The following TUBB3 variants were observed in gnomAD, a reference collection of about 807,000 sequenced individuals.
TUBB3 encodes the protein tubulin beta-3 chain.
In TUBB3, 17 loss-of-function variants were observed where a neutral mutation model predicts 37.8. The observed-to-expected ratio is 0.45, with a 90% CI of 0.31 to 0.67. The LOEUF (loss-of-function observed/expected upper bound fraction) is 0.67, where lower values mean the gene tolerates loss of function less well. TUBB3 is among the 30% of genes least tolerant of loss of function. The pLI is 0.07. For synonymous variants in TUBB3, 332 were observed against 278.9 expected (o/e 1.19, Z -1.90); for missense variants, 262 against 657.9 (o/e 0.40, Z 6.58).
intron 1 of TUBB3, among the ~76,000 whole-genome samples, chr16:89,929,430 C>G (rs759560384): frequency 6.6e-6 from 1 of 152,192 alleles, no homozygotes; most frequent in Non-Finnish European, 1.5e-5. Context: ...TCAGGGTGAA[C>G]GGGCATCCCG....
At chr16:89,922,424 G>A (rs751119802), upstream of TUBB3, among the ~76,000 whole-genome samples, 7 of 152,242 alleles carry the variant, frequency 4.6e-5, no homozygotes, top group Non-Finnish European at 8.8e-5. Flanking sequence ...GGTCAGTGCC[G>A]TGCCGGCGAG....
intron 1 of TUBB3, among the ~76,000 whole-genome samples, chr16:89,926,050 G>A (rs1250282748): frequency 1.3e-5 from 2 of 152,200 alleles, no homozygotes; most frequent in Non-Finnish European, 2.9e-5. Flanking sequence ...CCCCGGGGGG[G>A]GCAGGGGCGG....
At chr16:89,929,375 C>T (rs1317986161) in intron 1 of TUBB3, among the ~76,000 whole-genome samples, 1 of 152,016 alleles carries the variant, frequency 6.6e-6, no homozygotes, top group Non-Finnish European at 1.5e-5. Context: ...GAGAGATGAC[C>T]TCTGATAACA....
At chr16:89,933,136 C>G (rs1484984773) in intron 2 of TUBB3, 1 of 604,528 alleles carries the variant, frequency 1.7e-6, no homozygotes, top group East Asian at 3.5e-5. Flanking sequence ...ATATGTTGCC[C>G]AGGCTGGTCT....
At chr16:89,932,748 GTCTCAGCACCTGGACTCACCAGC>G in intron 2 of TUBB3, 69 bp downstream of exon 2, 3 of 1,317,410 alleles carry the variant, frequency 2.3e-6, no homozygotes, top group Non-Finnish European at 3.2e-6. Context: ...GACTGACCAG[GTCTCAGCACCTGGACTCACCAGC>G]TCTCAGCATC....
intron 2 of TUBB3, 166 bp from the exon 3 acceptor site, chr16:89,933,302 T>G: frequency 1.3e-6 from 1 of 751,832 alleles, no homozygotes; most frequent in East Asian, 2.5e-5. Context: ...GGCTTAAGGG[T>G]GAAGAAAGTT....
chr16:89,926,053 A>G (rs112960327), intron 1 of TUBB3, among the ~76,000 whole-genome samples: 1 of 151,170 alleles, frequency 6.6e-6, no homozygotes, highest in East Asian at 2.0e-4. Context: ...CGGGGGGGGC[A>G]GGGGCGGGCC....
rs565392974 is a variant in TUBB3, at chr16:89,926,487, C to T, written c.57+3029C>T. Among the ~76,000 whole-genome samples, 273 of 152,384 alleles carry T rather than the reference C, an allele frequency of 1.8e-3. 1 individual carries two copies. The highest frequency in any genetic ancestry group is 6.2e-3 in the African/African-American group (258 of 41,598). ...AGCCCGGCCCCGCTTTCCCCAGGAC[C>T]CCAAGCGCTGCGCGAGGTCAGCACC... On this transcript the variant is annotated intron_variant, in intron 1 of 3. Coordinates refer to ENST00000315491, the MANE Select transcript of TUBB3 (RefSeq NM_006086.4).
intron 3 of TUBB3, chr16:89,934,079 G>T: frequency 2.9e-6 from 1 of 345,842 alleles, no homozygotes; most frequent in Non-Finnish European, 5.2e-6. Flanking sequence ...TGGATGCCAC[G>T]TTCCCACGCC....
chr16:89,928,892 G>A (rs562755013), intron 1 of TUBB3, among the ~76,000 whole-genome samples: 1 of 151,570 alleles, frequency 6.6e-6, no homozygotes, highest in African/African-American at 2.4e-5. Flanking sequence ...TCGAACTACT[G>A]ACCTCGTGAT....
chr16:89,932,369 C>T (rs982732795), intron 1 of TUBB3, among the ~76,000 whole-genome samples: 32 of 152,264 alleles, frequency 2.1e-4, no homozygotes, highest in African/African-American at 7.5e-4. Context: ...TCGGCCTGGA[C>T]GTGTAGGTGT....
upstream of TUBB3, among the ~76,000 whole-genome samples, chr16:89,922,400 C>A (rs977143085): frequency 3.3e-5 from 5 of 152,272 alleles, no homozygotes; most frequent in Non-Finnish European, 7.3e-5. Flanking sequence ...ACTGTAATAT[C>A]TGGCCCAGGA....
Position 89,934,958 on chromosome 16 carries a change from C to T in TUBB3, c.507C>T (p.Val169=), listed in dbSNP as rs373718068. Residue 169 remains valine (V), a synonymous_variant, in exon 4 of 4, where the codon GTC becomes GTT. Transcript: ENST00000315491. ...ACCGCATCATGAACACCTTCAGCGT[C>T]GTGCCCTCACCCAAGGTGTCAGACA... The part of the protein sequence containing the change: ...YPDRIMNTFS[V]VPSPKVSDTV... The T allele has an allele frequency of 5.8e-4, 933 of 1,614,090 alleles. 1 individual carries two copies. Among genetic ancestry groups the T allele is most frequent in the Non-Finnish European group, 7.4e-4 (878 of 1,180,046 alleles).
intron 1 of TUBB3, among the ~76,000 whole-genome samples, chr16:89,925,144 G>A (rs946336617): frequency 6.6e-6 from 1 of 152,086 alleles, no homozygotes; most frequent in Non-Finnish European, 1.5e-5. Context: ...ATCCCCTGAG[G>A]CTCCACGGGT....
chr16:89,924,038 C>G (rs778101076), intron 1 of TUBB3, among the ~76,000 whole-genome samples: 111 of 152,210 alleles, frequency 7.3e-4, no homozygotes, highest in Non-Finnish European at 1.3e-3. Flanking sequence ...TGACCTTGGT[C>G]CAGGACCAGG....
At chr16:89,922,554 C>G (rs1351614693), upstream of TUBB3, 1 of 152,278 alleles carries the variant, frequency 6.6e-6, no homozygotes, top group Non-Finnish European at 1.5e-5. Flanking sequence ...GCCCACCCTC[C>G]CCCACCCTGG....
At chr16:89,933,142 G>A (rs1447141551) in intron 2 of TUBB3, 2 of 614,856 alleles carry the variant, frequency 3.3e-6, no homozygotes, top group Non-Finnish European at 6.0e-6. Flanking sequence ...TGCCCAGGCT[G>A]GTCTCGAACT....
In TUBB3 at chr16:89,932,612, C is replaced by T. The variant is rs760662331; in HGVS notation, c.99C>T (p.Ser33=). The change falls in exon 2 of 4, where the codon AGC becomes AGT. Residue 33 remains serine (S), a synonymous_variant. Transcript: ENST00000315491. ...VISDEHGIDP[S]GNYVGDSDLQ... Reference sequence around the variant, plus strand: ...GTGATGAGCATGGCATCGACCCCAGCGGCAACTACGTGGGCGACTCGGACT... The same window carrying T: ...GTGATGAGCATGGCATCGACCCCAGTGGCAACTACGTGGGCGACTCGGACT... The T allele has an allele frequency of 1.7e-5, 27 of 1,613,984 alleles. No individual in the cohort carries two copies. Among genetic ancestry groups the T allele is most frequent in the Admixed American group, 1.2e-4 (7 of 59,996 alleles).
At chr16:89,934,626 C>G in intron 3 of TUBB3, 103 bp from the exon 4 acceptor site, 1 of 1,153,694 alleles carries the variant, frequency 8.7e-7, no homozygotes, top group Non-Finnish European at 1.3e-6. Flanking sequence ...ACAGAACAGG[C>G]ATGGGGCTGC....
Sources: gnomAD v4.1 joint callset for allele counts (sites outside exome capture counted in the v4.1 genomes callset) on GRCh38, gnomAD v4.1.1 for gene constraint, MANE v1.5 for transcripts, NCBI Gene and HGNC (gene_info 2026-07-23, HGNC 2026-07-21) for gene names.